The following EML6 variants were observed in gnomAD, a reference collection of about 807,000 sequenced individuals.
The protein encoded by EML6 is echinoderm microtubule-associated protein-like 6.
Under a neutral mutation model 240.1 loss-of-function variants are expected in EML6, and 154 were observed. That is an observed-to-expected ratio of 0.64 (90% CI 0.56 to 0.73). The LOEUF (loss-of-function observed/expected upper bound fraction) is 0.73, where lower values mean the gene tolerates loss of function less well. EML6 is among the 30% of genes least tolerant of loss of function. The pLI is 0.00. For synonymous variants in EML6, 1,148 were observed against 899.0 expected (o/e 1.28, Z -4.95); for missense variants, 2,964 against 2,474.6 (o/e 1.20, Z -4.20).
intron 2 of EML6, among the ~76,000 whole-genome samples, chr2:54,795,504 C>A (rs183564901): frequency 6.6e-6 from 1 of 152,022 alleles, no homozygotes; most frequent in African/African-American, 2.4e-5. Context: ...ATCAAATACA[C>A]GTGTGGGGGA....
intron 24 of EML6, among the ~76,000 whole-genome samples, chr2:54,908,345 G>T (rs1673457316): frequency 6.6e-6 from 1 of 151,892 alleles, no homozygotes; most frequent in African/African-American, 2.4e-5. Context: ...AAGCAGCTGA[G>T]ACCACAGGTG....
Position 54,928,430 on chromosome 2 carries a change from A to T in EML6, c.3793A>T (p.Ile1265Phe). The change falls in exon 27 of 42, where the codon ATC becomes TTC. Residue 1265 changes from isoleucine (I) to phenylalanine (F), a missense_variant. By Grantham distance (21) the Ile-to-Phe change is conservative (BLOSUM62 0). Coordinates refer to ENST00000356458, the MANE Select transcript of EML6 (RefSeq NM_001039753.4). ...TVGGADTALMIWTREFVGTQE... is the reference protein window; with the variant it reads ...TVGGADTALMFWTREFVGTQE... The stretch of plus-strand genomic sequence containing the variant: ...GGGCGGCGCCGACACAGCCCTGATG[A>T]TCTGGACCAGGGAGTTTGTGGGGAC... The T allele has an allele frequency of 6.4e-7, 1 of 1,551,334 alleles. No individual in the cohort carries two copies. Among genetic ancestry groups the T allele is most frequent in the Non-Finnish European group, 8.7e-7 (1 of 1,146,790 alleles).
At chr2:54,944,714 A>G (rs1675592674) in intron 28 of EML6, among the ~76,000 whole-genome samples, 1 of 152,098 alleles carries the variant, frequency 6.6e-6, no homozygotes, top group Non-Finnish European at 1.5e-5. Flanking sequence ...GGCTTCTTTC[A>G]GGACATCCTG....
chr2:54,789,212 T>G (rs1173873087), intron 2 of EML6, among the ~76,000 whole-genome samples: 5 of 152,098 alleles, frequency 3.3e-5, no homozygotes, highest in Non-Finnish European at 7.4e-5. Context: ...ATGGTGACCT[T>G]TAGAAAGAAT....
intron 28 of EML6, among the ~76,000 whole-genome samples, chr2:54,941,147 A>G (rs573868955): frequency 2.0e-5 from 3 of 152,310 alleles, no homozygotes; most frequent in South Asian, 2.1e-4. Flanking sequence ...TTGACATGCA[A>G]TAATTTTATA....
At chr2:54,909,016 T>G (rs1356172390) in intron 24 of EML6, among the ~76,000 whole-genome samples, 2 of 152,248 alleles carry the variant, frequency 1.3e-5, no homozygotes, top group East Asian at 1.9e-4. Flanking sequence ...AATCATAAAT[T>G]ACTTCACTGA....
At position 54,829,409 on chromosome 2, in the gene EML6, G is replaced by C; in HGVS notation, c.779G>C (p.Arg260Pro). The C allele has an allele frequency of 1.3e-6, 2 of 1,551,738 alleles. No individual in the cohort carries two copies. The highest frequency in any genetic ancestry group is 8.7e-7 in the Non-Finnish European group (1 of 1,146,792). ...ACTGGTGGGCGAGATGGGTGTATAC[G>C]ACTGTGGGACACTGATTTCAAACCA... Reference protein sequence around the residue: ...FATGGRDGCIRLWDTDFKPIT... With the variant: ...FATGGRDGCIPLWDTDFKPIT... Residue 260 changes from arginine to proline, a missense_variant, in exon 7 of 42, where the codon CGA becomes CCA. Physicochemically the swap from Arg to Pro is moderately radical, Grantham distance 103. Coordinates refer to ENST00000356458, the MANE Select transcript of EML6 (RefSeq NM_001039753.4).
chr2:54,738,785 T>C (rs1333175164), intron 2 of EML6, among the ~76,000 whole-genome samples: 1 of 152,220 alleles, frequency 6.6e-6, no homozygotes, highest in East Asian at 1.9e-4. Context: ...AGTTTATCTG[T>C]TCTACTGTTT....
At chr2:54,824,467 CT>C (rs1040524165) in intron 5 of EML6, among the ~76,000 whole-genome samples, 8 of 152,130 alleles carry the variant, frequency 5.3e-5, no homozygotes, top group Admixed American at 3.9e-4. Context: ...GATTTCTCCA[CT>C]TTTTTTTCCC....
At chr2:54,752,242 C>T (rs1362085153) in intron 2 of EML6, among the ~76,000 whole-genome samples, 1 of 151,858 alleles carries the variant, frequency 6.6e-6, no homozygotes, top group South Asian at 2.1e-4. Flanking sequence ...AAAAATAAGA[C>T]AAGAAAGGAA....
At chr2:54,864,442 G>T (rs6727776) in intron 13 of EML6, among the ~76,000 whole-genome samples, 1 of 152,276 alleles carries the variant, frequency 6.6e-6, no homozygotes, top group East Asian at 1.9e-4. Flanking sequence ...GCTGACTTCA[G>T]TTTTTTTGGA....
chr2:54,749,685 T>C (rs1684071126), intron 2 of EML6, among the ~76,000 whole-genome samples: 1 of 152,190 alleles, frequency 6.6e-6, no homozygotes, highest in African/African-American at 2.4e-5. Context: ...CCCTGTTTAC[T>C]GAAGAAGAAA....
At chr2:54,768,811 T>A (rs1178284618) in intron 2 of EML6, among the ~76,000 whole-genome samples, 1 of 152,182 alleles carries the variant, frequency 6.6e-6, no homozygotes, top group Non-Finnish European at 1.5e-5. Flanking sequence ...ATAAATTTTC[T>A]ACTCAAAGTT....
chr2:54,743,391 A>G (rs1266036432), intron 2 of EML6, among the ~76,000 whole-genome samples: 1 of 152,246 alleles, frequency 6.6e-6, no homozygotes, highest in East Asian at 1.9e-4. Context: ...TTTTCTCATC[A>G]ATGTTGTAAC....
rs138835253 is a variant in EML6, at chr2:54,895,406, G to A, written c.2982+6G>A. On this transcript the variant is annotated splice_donor_region_variant and intron_variant, in intron 21 of 41. Transcript: ENST00000356458. ...CAATGACACTGCTTGTTCAGGTACT[G>A]TTTGTATGTATTCTAAACTGCAGTT... 23,316 of 1,551,650 alleles carry A rather than the reference G, an allele frequency of 0.015. 223 individuals are homozygous for A. Among genetic ancestry groups the A allele is most frequent in the South Asian group, 0.019 (1,578 of 84,026 alleles).
At chr2:54,940,627 T>A (rs1197623911) in intron 28 of EML6, among the ~76,000 whole-genome samples, 2 of 152,216 alleles carry the variant, frequency 1.3e-5, no homozygotes, top group Non-Finnish European at 2.9e-5. Flanking sequence ...AGCCTGATTC[T>A]CTTAATATTT....
In EML6 at chr2:54,928,763, C is replaced by G; in HGVS notation, c.4004+12C>G. On this transcript the variant is annotated intron_variant, in intron 28 of 41. Transcript: ENST00000356458. The stretch of plus-strand genomic sequence containing the variant: ...TCCGTGGAAGAAAGGTATGGTGTTG[C>G]CAGGTTTGCTTGCTTTTATTATACC... 6.4e-7 allele frequency: 1 copy of G among 1,551,626 alleles called. No individual in the cohort carries two copies. The highest frequency in any genetic ancestry group is 8.7e-7 in the Non-Finnish European group (1 of 1,146,964).
intron 26 of EML6, among the ~76,000 whole-genome samples, chr2:54,923,296 T>C (rs1674356562): frequency 6.6e-6 from 1 of 151,756 alleles, no homozygotes; most frequent in South Asian, 2.1e-4. Context: ...TAGAGCATGG[T>C]GACTGTATTT....
intron 2 of EML6, among the ~76,000 whole-genome samples, chr2:54,798,365 G>C (rs1365407524): frequency 3.9e-5 from 6 of 152,026 alleles, no homozygotes; most frequent in Non-Finnish European, 7.4e-5. Flanking sequence ...AGTAGAGATG[G>C]GGTTTCACCA....
Sources: allele counts gnomAD v4.1 joint callset (sites outside exome capture counted in the v4.1 genomes callset), GRCh38; gene constraint gnomAD v4.1.1; transcripts MANE v1.5; gene names NCBI Gene and HGNC (gene_info 2026-07-23, HGNC 2026-07-21).